Variants in APOB observed in about 807,000 individuals in gnomAD.
APOB encodes apolipoprotein B-100.
In APOB, 153 loss-of-function variants were observed where a neutral mutation model predicts 314.1. The observed-to-expected ratio is 0.49, with a 90% CI of 0.43 to 0.56. The LOEUF (loss-of-function observed/expected upper bound fraction) is 0.56, where lower values mean the gene tolerates loss of function less well. Ranked by LOEUF, APOB falls within the 20% of genes least tolerant of loss-of-function variation. The pLI is 0.00. For synonymous variants in APOB, 2,087 were observed against 2,036.4 expected (o/e 1.02, Z -0.67); for missense variants, 5,430 against 5,350.7 (o/e 1.01, Z -0.46).
chr2:21,012,047 C>A lies in APOB; in HGVS notation c.4821G>T (p.Glu1607Asp), dbSNP rs1249282131. ...AAAGCAGGCTGAAGAACCTCAATGA[C>A]TCGTAATCAGCCTGATATTCAGAAC... ...LLRSEYQADY[E>D]SLRFFSLLSG... Residue 1607 changes from glutamate (E) to aspartate (D), a missense_variant, in exon 26 of 29, where the codon GAG becomes GAT. Physicochemically the swap from Glu to Asp is conservative, Grantham distance 45. Coordinates refer to ENST00000233242, the MANE Select transcript of APOB (RefSeq NM_000384.3). The A allele has an allele frequency of 1.2e-6, 2 of 1,614,096 alleles. No individual in the cohort carries two copies. The highest frequency in any genetic ancestry group is 1.7e-5 in the Admixed American group (1 of 60,008).
chr2:21,002,010 G>T lies in APOB; in HGVS notation c.13412C>A (p.Ala4471Asp), dbSNP rs749549578. Residue 4471 changes from alanine (A) to aspartate (D), a missense_variant, in exon 29 of 29, where the codon GCC becomes GAC. Around this residue, in one of 3 missense-constraint regions of APOB, gnomAD observed 3,281 missense variants for 3,171.0 expected, o/e 1.03. Transcript: ENST00000233242. ...KGKEKIAELS[A>D]TAQEIIKSQA... ...GCTTTTAATTATTTCCTGAGCAGTG[G>T]CAGAAAGCTCTGCAATCTTCTCTTT... The T allele has an allele frequency of 3.7e-6, 6 of 1,613,960 alleles. No individual in the cohort carries two copies. Among genetic ancestry groups the T allele is most frequent in the Non-Finnish European group, 8.5e-7 (1 of 1,179,962 alleles).
At chr2:21,027,778 T>C (rs765511602) in intron 14 of APOB, 50 bp downstream of exon 14, 1 of 1,426,168 alleles carries the variant, frequency 7.0e-7, no homozygotes, top group South Asian at 1.1e-5. Context: ...ACTCTCTGTT[T>C]ATGATGCTGT....
chr2:21,037,745 G>A (rs761727861), intron 5 of APOB, among the ~76,000 whole-genome samples: 4 of 152,168 alleles, frequency 2.6e-5, no homozygotes, highest in Non-Finnish European at 4.4e-5. Context: ...TTTAAAATTA[G>A]ACCCAACCTG....
intron 25 of APOB, 142 bp from the exon 26 acceptor site, chr2:21,012,793 A>G: frequency 2.1e-6 from 2 of 934,514 alleles, no homozygotes; most frequent in Non-Finnish European, 3.2e-6. Flanking sequence ...ATGCAAAGAT[A>G]AAATCTGATA....
At position 21,007,324 on chromosome 2, in the gene APOB, G is replaced by T. The variant is rs12720848; in HGVS notation, c.9544C>A (p.His3182Asn). 2.2e-5 allele frequency: 36 copies of T among 1,613,810 alleles called. No individual in the cohort carries two copies. The Middle Eastern group carries it at 8.2e-4, about 37-fold the overall frequency. ...AAAGGATTTGTGATGGAATGCCTGTGTTTGTTTTTCTTATACTGAGCTTTT... is the reference window on the plus strand; with the variant it reads ...AAAGGATTTGTGATGGAATGCCTGTTTTTGTTTTTCTTATACTGAGCTTTT... ...SVKAQYKKNK[H>N]RHSITNPLAV... The change falls in exon 26 of 29, where the codon CAC becomes AAC. Residue 3182 changes from histidine (H) to asparagine (N), a missense_variant. His to Asn is a moderately conservative substitution (Grantham distance 68). Transcript: ENST00000233242.
rs12720812 is a variant in APOB, at chr2:21,014,370, A to C, written c.3842+78T>G. 4,339 of 1,549,248 alleles carry C rather than the reference A, an allele frequency of 2.8e-3. 108 individuals are homozygous for C. The African/African-American group carries it at 0.053, about 19-fold the overall frequency. The stretch of plus-strand genomic sequence containing the variant: ...AATTATTTCCTTTAAAAATTTAAAA[A>C]AATGTCTAAATCATGCTATGTAAAA... On this transcript the variant is annotated intron_variant, in intron 24 of 28. Coordinates refer to ENST00000233242, the MANE Select transcript of APOB (RefSeq NM_000384.3).
chr2:21,008,269 G>A lies in APOB; in HGVS notation c.8599C>T (p.Leu2867=), dbSNP rs149430596. 5.1e-5 allele frequency: 82 copies of A among 1,613,874 alleles called. No homozygotes were observed. Among genetic ancestry groups the A allele is most frequent in the Non-Finnish European group, 6.1e-5 (72 of 1,179,922 alleles). ...VASLHTEKNT[L]ELSNGVIVKI... ...ACAATCACTCCATTACTAAGCTCCA[G>A]TGTATTTTTTTCTGTGTGTAAACTT... Residue 2867 remains leucine (L), a synonymous_variant, in exon 26 of 29, where the codon CTG becomes TTG. Coordinates refer to ENST00000233242, the MANE Select transcript of APOB (RefSeq NM_000384.3).
rs661665 is a variant in APOB at position 21,042,269 on chromosome 2, C to A, written c.237+92G>T. The A allele has an allele frequency of 0.53, 483,437 of 905,140 alleles. 135,366 individuals are homozygous for A. Among genetic ancestry groups the A allele is most frequent in the East Asian group, 0.89 (37,152 of 41,732 alleles). 56.1% of individuals were successfully genotyped at this position (905,140 alleles called of 1,614,324 possible). A position where few individuals can be genotyped will look rare whatever the true frequency, so the allele number is the denominator to read the frequency against. ...ATGTTCTGCGTTTGCTCAGTACACA[C>A]CCTCCGGGAAGGTCGCGTGTTGGGC... On this transcript the variant is annotated intron_variant, in intron 3 of 28. Coordinates refer to ENST00000233242, the MANE Select transcript of APOB (RefSeq NM_000384.3).
intron 16 of APOB, chr2:21,024,704 A>AT (rs1663690069): frequency 1.5e-6 from 1 of 683,452 alleles, no homozygotes; most frequent in African/African-American, 1.8e-5. Context: ...GAATAAATTA[A>AT]TGCTCTTAAA....
In APOB at chr2:21,037,963, A is replaced by T. The variant is rs190134103; in HGVS notation, c.532T>A (p.Phe178Ile). ...TCAGCTTTCTAAATCCTCACCAGAAACAACACTTGCTTGGCTTCTTCTGTC... is the reference window on the plus strand; with the variant it reads ...TCAGCTTTCTAAATCCTCACCAGAATCAACACTTGCTTGGCTTCTTCTGTC... The part of the protein sequence containing the change: ...PETEEAKQVL[F>I]LDTVYGNCST... The change falls in exon 5 of 29, where the codon TTT becomes ATT. Residue 178 changes from phenylalanine to isoleucine, a missense_variant. Coordinates refer to ENST00000233242, the MANE Select transcript of APOB (RefSeq NM_000384.3). 6.2e-6 allele frequency: 10 copies of T among 1,614,074 alleles called. No homozygotes were observed. Among genetic ancestry groups the T allele is most frequent in the South Asian group, 3.3e-5 (3 of 91,082 alleles).
Position 21,015,220 on chromosome 2 carries a change from A to C in APOB, c.3549T>G (p.Asn1183Lys). ...KIEFEWNTGTNVDTKKMTSNF... is the reference protein window; with the variant it reads ...KIEFEWNTGTKVDTKKMTSNF... ...TGGAAGTCATTTTTTTGGTATCTAC[A>C]TTGGTGCCTGTGTTCCATTCAAATT... The change falls in exon 23 of 29, where the codon AAT becomes AAG. Residue 1183 changes from asparagine (N) to lysine (K), a missense_variant. Asn to Lys is a moderately conservative substitution (Grantham distance 94, BLOSUM62 0). Coordinates refer to ENST00000233242, the MANE Select transcript of APOB (RefSeq NM_000384.3). 1 of 1,614,220 alleles carries C rather than the reference A, an allele frequency of 6.2e-7. No individual in the cohort carries two copies. Among genetic ancestry groups the C allele is most frequent in the Non-Finnish European group, 8.5e-7 (1 of 1,180,024 alleles).
At position 21,007,345 on chromosome 2, in the gene APOB, C is replaced by G. The variant is rs200584734; in HGVS notation, c.9523G>C (p.Ala3175Pro). ...TKQSFDLSVK[A>P]QYKKNKHRHS... The stretch of plus-strand genomic sequence containing the variant: ...CTGTGTTTGTTTTTCTTATACTGAG[C>G]TTTTACACTTAAATCAAATGATTGC... The change falls in exon 26 of 29, where the codon GCT becomes CCT. Residue 3175 changes from alanine to proline, a missense_variant. By Grantham distance (27) the Ala-to-Pro change is conservative (BLOSUM62 -1). Transcript: ENST00000233242. The G allele has an allele frequency of 6.2e-6, 10 of 1,613,958 alleles. No individual in the cohort carries two copies. The highest frequency in any genetic ancestry group is 8.5e-6 in the Non-Finnish European group (10 of 1,179,950).
At chr2:21,024,669 G>C (rs1052797819) in intron 16 of APOB, 4 of 637,490 alleles carry the variant, frequency 6.3e-6, no homozygotes, top group Non-Finnish European at 1.1e-5. Flanking sequence ...GTAGAGGAAG[G>C]TATACCGAAC....
intron 5 of APOB, among the ~76,000 whole-genome samples, chr2:21,037,571 TCA>T (rs928467503): frequency 1.3e-5 from 2 of 152,200 alleles, no homozygotes; most frequent in Admixed American, 6.5e-5. Flanking sequence ...GAATTCTGTC[TCA>T]CAGTGAAACC....
chr2:21,005,436 A>G lies in APOB; in HGVS notation c.11432T>C (p.Phe3811Ser), dbSNP rs776998489. Reference protein sequence around the residue: ...SQPEDSLIPFFEITVPESQLT... With the variant: ...SQPEDSLIPFSEITVPESQLT... ...CTGAGATTCAGGCACGGTTATCTCA[A>G]AAAAGGGAATCAAGGAGTCTTCTGG... The change falls in exon 26 of 29, where the codon TTT becomes TCT. Residue 3811 changes from phenylalanine (F) to serine (S), a missense_variant. Coordinates refer to ENST00000233242, the MANE Select transcript of APOB (RefSeq NM_000384.3). 9 of 1,614,104 alleles carry G rather than the reference A, an allele frequency of 5.6e-6. No homozygotes were observed. The highest frequency in any genetic ancestry group is 6.8e-6 in the Non-Finnish European group (8 of 1,179,980).
chr2:21,023,632 C>T lies in APOB; in HGVS notation c.2497G>A (p.Glu833Lys), dbSNP rs775432239. Residue 833 changes from glutamate to lysine, a missense_variant, in exon 17 of 29, where the codon GAG becomes AAG. By Grantham distance (56) the Glu-to-Lys change is moderately conservative (BLOSUM62 1). Coordinates refer to ENST00000233242, the MANE Select transcript of APOB (RefSeq NM_000384.3). Reference protein sequence around the residue: ...NDFFLHYIFMENAFELPTGAG... With the variant: ...NDFFLHYIFMKNAFELPTGAG... The stretch of plus-strand genomic sequence containing the variant: ...CCAGTGGGGAGTTCAAAGGCATTCT[C>T]CATGAAGATGTAGTGAAGAAAAAAG... The T allele has an allele frequency of 7.4e-6, 12 of 1,614,054 alleles. No individual in the cohort carries two copies. Among genetic ancestry groups the T allele is most frequent in the Non-Finnish European group, 8.5e-6 (10 of 1,179,928 alleles).
chr2:21,035,114 C>T (rs1186136980), intron 7 of APOB, among the ~76,000 whole-genome samples: 1 of 152,216 alleles, frequency 6.6e-6, no homozygotes, highest in South Asian at 2.1e-4. Context: ...GTGCCTTATA[C>T]TCTCCACTAG....
rs1410760521 is a variant in APOB, at chr2:21,005,479, A to T, written c.11389T>A (p.Leu3797Ile). The change falls in exon 26 of 29, where the codon TTA (leucine) becomes ATA (isoleucine). Residue 3797 changes from leucine to isoleucine, a missense_variant. Leu to Ile is a conservative substitution (Grantham distance 5, BLOSUM62 2). Coordinates refer to ENST00000233242, the MANE Select transcript of APOB (RefSeq NM_000384.3). ...PEVKFPEVDV[L>I]TKYSQPEDSL... Reference sequence around the variant, plus strand: ...TCTTCTGGTTGAGAATATTTTGTTAACACATCAACTTCAGGGAATTTTACC... The same window carrying T: ...TCTTCTGGTTGAGAATATTTTGTTATCACATCAACTTCAGGGAATTTTACC... 6.2e-7 allele frequency: 1 copy of T among 1,614,012 alleles called. No individual in the cohort carries two copies. The highest frequency in any genetic ancestry group is 2.2e-5 in the East Asian group (1 of 44,876).
At position 21,025,124 on chromosome 2, in the gene APOB, C is replaced by A. The variant is rs1663700975; in HGVS notation, c.2245G>T (p.Asp749Tyr). 6 of 1,613,824 alleles carry A rather than the reference C, an allele frequency of 3.7e-6. No individual in the cohort carries two copies. The Admixed American group carries it at 5.0e-5, about 13-fold the overall frequency. ...CTGAGCATTATTCCATTTACCATAT[C>A]CTGAGAGTTTAGTAATAAAATGGCC... ...GYTKDDKHEQDMVNGIMLSVE... is the reference protein window; with the variant it reads ...GYTKDDKHEQYMVNGIMLSVE... Residue 749 changes from aspartate to tyrosine, a missense_variant and splice_region_variant, in exon 16 of 29, where the codon GAT becomes TAT. By Grantham distance (160) the Asp-to-Tyr change is radical (BLOSUM62 -3). This residue lies in a region of APOB where 2,085 missense variants were observed against 2,079.7 expected (regional missense o/e 1.00). Coordinates refer to ENST00000233242, the MANE Select transcript of APOB (RefSeq NM_000384.3).
Sources: gnomAD v4.1 joint callset for allele counts (sites outside exome capture counted in the v4.1 genomes callset) on GRCh38, gnomAD v4.1.1 for gene constraint, gnomAD v4.1.1 regional missense constraint, MANE v1.5 for transcripts, NCBI Gene and HGNC (gene_info 2026-07-23, HGNC 2026-07-21) for gene names.